WDR7: variants seen among roughly 807,000 people sequenced by gnomAD.
WDR7 encodes WD repeat domain 7.
Under a neutral mutation model 169.4 loss-of-function variants are expected in WDR7, and 46 were observed. The ratio of observed to expected loss-of-function variants is 0.27; its 90% CI spans 0.21 to 0.35. The LOEUF (loss-of-function observed/expected upper bound fraction) is 0.35. Among genes scored for constraint, WDR7 ranks in the 10% least tolerant of loss-of-function variants. The pLI is 1.00. For synonymous variants in WDR7, 612 were observed against 666.8 expected (o/e 0.92, Z 1.27); for missense variants, 1,534 against 1,859.3 (o/e 0.83, Z 3.22).
chr18:56,988,635 G>GTGTA (rs1350110629), intron 26 of WDR7, among the ~76,000 whole-genome samples: 3 of 138,400 alleles, frequency 2.2e-5, no homozygotes, highest in African/African-American at 8.0e-5. Context: ...GTGTGTGTGT[G>GTGTA]TATAGAGTCG....
intron 13 of WDR7, among the ~76,000 whole-genome samples, chr18:56,721,156 A>G (rs548124715): frequency 3.0e-4 from 46 of 152,254 alleles, no homozygotes; most frequent in African/African-American, 1.1e-3. Flanking sequence ...TTAGTGTTTC[A>G]GGAATGTATT....
At chr18:57,026,661 AAGTCTTC>A (rs996541639) in intron 27 of WDR7, among the ~76,000 whole-genome samples, 58 of 152,178 alleles carry the variant, frequency 3.8e-4, no homozygotes, top group African/African-American at 1.4e-3. Flanking sequence ...AAGAACATGA[AAGTCTTC>A]AGTTTTAAAT....
rs534266436 is a variant in WDR7, at chr18:56,691,281, C to A, written c.783C>A (p.Thr261=). The A allele has an allele frequency of 1.2e-6, 2 of 1,607,478 alleles. No individual in the cohort carries two copies. Among genetic ancestry groups the A allele is most frequent in the Non-Finnish European group, 1.7e-6 (2 of 1,178,514 alleles). ...CTAGTGAAAATGGACAGACATGGACCGGGGGGGACTTTGTCTCATCAGATA... is the reference window on the plus strand; with the variant it reads ...CTAGTGAAAATGGACAGACATGGACAGGGGGGGACTTTGTCTCATCAGATA... ...SGPSENGQTW[T]GGDFVSSDKV... is the part of the protein sequence containing the mutation. The change falls in exon 8 of 28, where the codon ACC becomes ACA. Residue 261 remains threonine, a synonymous_variant. Transcript: ENST00000254442.
chr18:56,656,700 G>T (rs1377010613), intron 1 of WDR7, among the ~76,000 whole-genome samples: 2 of 150,794 alleles, frequency 1.3e-5, no homozygotes, highest in East Asian at 1.9e-4. Context: ...TCTCATCTTT[G>T]CCCATTTTCA....
At chr18:56,831,012 A>G (rs2045298701) in intron 20 of WDR7, among the ~76,000 whole-genome samples, 1 of 152,200 alleles carries the variant, frequency 6.6e-6, no homozygotes. Flanking sequence ...TATCTGACAG[A>G]TGACTGCCAC....
Position 56,691,242 on chromosome 18 carries a change from G to C in WDR7, c.744G>C (p.Leu248Phe). 6.2e-7 allele frequency: 1 copy of C among 1,610,182 alleles called. No individual in the cohort carries two copies. The highest frequency in any genetic ancestry group is 1.1e-5 in the South Asian group (1 of 90,408). Reference sequence around the variant, plus strand: ...TGTTCGATGCCGGAGACTATTCCTTGTTGTGTTCAGGTCCTAGTGAAAATG... The same window carrying C: ...TGTTCGATGCCGGAGACTATTCCTTCTTGTGTTCAGGTCCTAGTGAAAATG... The part of the protein sequence containing the change: ...WRVFDAGDYS[L>F]LCSGPSENGQ... The change falls in exon 8 of 28, where the codon TTG (leucine) becomes TTC (phenylalanine). Residue 248 changes from leucine (L) to phenylalanine (F), a missense_variant. Physicochemically the swap from Leu to Phe is conservative, Grantham distance 22 (BLOSUM62 0). Transcript: ENST00000254442.
At chr18:57,031,164 T>G (rs1266085216), downstream of WDR7, 3 of 152,252 alleles carry the variant, frequency 2.0e-5, no homozygotes, top group Admixed American at 6.5e-5. Context: ...CAATTCATGT[T>G]GATTCTGCCA....
chr18:57,033,297 A>G (rs572639048), downstream of WDR7: 1 of 152,256 alleles, frequency 6.6e-6, no homozygotes, highest in Non-Finnish European at 1.5e-5. Flanking sequence ...ATAAATAGGA[A>G]TTAATTAGGA....
At chr18:56,730,717 G>C (rs2026565922) in intron 13 of WDR7, among the ~76,000 whole-genome samples, 1 of 152,136 alleles carries the variant, frequency 6.6e-6, no homozygotes, top group South Asian at 2.1e-4. Flanking sequence ...AGTGAGCCAA[G>C]ATCGCGCCAT....
chr18:56,781,248 G>T (rs1229519655), intron 18 of WDR7, among the ~76,000 whole-genome samples: 1 of 152,120 alleles, frequency 6.6e-6, no homozygotes, highest in Non-Finnish European at 1.5e-5. Flanking sequence ...CAGTTTTAAA[G>T]TTCAAGAATG....
rs1598986524 is a variant in WDR7 at position 56,718,003 on chromosome 18, C to T, written c.1618C>T (p.His540Tyr). Residue 540 changes from histidine (H) to tyrosine (Y), a missense_variant, in exon 13 of 28, where the codon CAC becomes TAC. Transcript: ENST00000254442. ...CTGCATCTGCTCTGTAGCCAGTGAC[C>T]ACTCAGTAGGACTTCTAAGTTTGCG... ...QHCICSVASD[H>Y]SVGLLSLREK... 1.2e-6 allele frequency: 2 copies of T among 1,613,944 alleles called. No homozygotes were observed. Among genetic ancestry groups the T allele is most frequent in the African/African-American group, 1.3e-5 (1 of 75,008 alleles).
chr18:56,991,547 A>G (rs1196961905), intron 26 of WDR7, among the ~76,000 whole-genome samples: 1 of 152,020 alleles, frequency 6.6e-6, no homozygotes, highest in African/African-American at 2.4e-5. Context: ...TGTTGGGGGG[A>G]AAAAAGAACT....
intron 14 of WDR7, among the ~76,000 whole-genome samples, chr18:56,746,820 G>A (rs1778363116): frequency 6.6e-6 from 1 of 151,982 alleles, no homozygotes; most frequent in Admixed American, 6.6e-5. Context: ...TTTTTCTTGT[G>A]GAATCCTGTG....
intron 20 of WDR7, among the ~76,000 whole-genome samples, chr18:56,817,114 G>A (rs2044986508): frequency 6.6e-6 from 1 of 152,028 alleles, no homozygotes; most frequent in African/African-American, 2.4e-5. Context: ...GGAGGCCGAG[G>A]TGGGCAGATC....
intron 26 of WDR7, among the ~76,000 whole-genome samples, chr18:56,979,916 A>G (rs979350198): frequency 2.6e-5 from 4 of 152,220 alleles, no homozygotes; most frequent in African/African-American, 4.8e-5. Flanking sequence ...GTTTGTTACT[A>G]TATCCTTCAT....
At chr18:56,857,333 C>T (rs1365062303) in intron 20 of WDR7, among the ~76,000 whole-genome samples, 2 of 152,086 alleles carry the variant, frequency 1.3e-5, no homozygotes, top group African/African-American at 4.8e-5. Flanking sequence ...GATCTCAGCT[C>T]ATTGTGTCCT....
chr18:56,820,076 CTT>C (rs886926345), intron 20 of WDR7, among the ~76,000 whole-genome samples: 4 of 151,816 alleles, frequency 2.6e-5, no homozygotes, highest in Non-Finnish European at 5.9e-5. Context: ...TTTTATGTGT[CTT>C]TTATCATGGT....
rs71171007 is a variant in WDR7, at chr18:56,938,808, AGTGTGTGTGT to A, written c.3981+151_3981+160del. ...GATGAAGGGTGAGAGAGAAAGAATG[AGTGTGTGTGT>A]GTGTGTGTGTGTGTGTGTGTGTGTA... On this transcript the variant is annotated intron_variant, in intron 24 of 27. Transcript: ENST00000254442. 3.6e-5 allele frequency: 24 copies of A among 661,852 alleles called. 1 individual carries two copies. The highest frequency in any genetic ancestry group is 4.2e-4 in the Middle Eastern group (1 of 2,358). The allele number at this position is 661,852 out of a possible 1,614,324, so 41.0% of individuals were successfully genotyped here. A position where few individuals can be genotyped will look rare whatever the true frequency, so the allele number is the denominator to read the frequency against.
intron 19 of WDR7, among the ~76,000 whole-genome samples, chr18:56,814,625 C>T (rs1052295929): frequency 2.0e-5 from 3 of 151,854 alleles, no homozygotes; most frequent in Non-Finnish European, 4.4e-5. Context: ...CAACAGACAC[C>T]GGGGTGTACT....
Sources: allele counts gnomAD v4.1 joint callset (sites outside exome capture counted in the v4.1 genomes callset), GRCh38; gene constraint gnomAD v4.1.1; transcripts MANE v1.5; gene names NCBI Gene and HGNC (gene_info 2026-07-23, HGNC 2026-07-21).